CTNNA3: variants seen among roughly 807,000 people sequenced by gnomAD.
CTNNA3 encodes catenin alpha 3.
CTNNA3 carries 76 observed loss-of-function variants against 95.7 expected under a neutral mutation model. That is an observed-to-expected ratio of 0.79 (90% confidence interval 0.66 to 0.96). The LOEUF is 0.96. Ranked by LOEUF, CTNNA3 falls within the 40% of genes least tolerant of loss-of-function variation. CTNNA3 has a pLI of 0.00. For missense variants in CTNNA3, 1,191 were observed against 1,089.8 expected (o/e 1.09, Z -1.31); for synonymous variants, 431 against 374.4 (o/e 1.15, Z -1.74).
intron 2 of CTNNA3, among the ~76,000 whole-genome samples, chr10:67,623,586 G>A (rs574462964): frequency 2.8e-4 from 43 of 152,194 alleles, no homozygotes; most frequent in African/African-American, 1.0e-3. Flanking sequence ...GTAAGGAGCG[G>A]GGAGAGAGTA....
intron 6 of CTNNA3, among the ~76,000 whole-genome samples, chr10:67,184,843 G>C (rs764506960): frequency 8.5e-5 from 13 of 152,176 alleles, no homozygotes; most frequent in Non-Finnish European, 1.9e-4. Flanking sequence ...TCACATTGCT[G>C]ATAGAGGTTC....
At position 66,643,490 on chromosome 10, in the gene CTNNA3, T is replaced by G. The variant is rs1469103485; in HGVS notation, c.1282-21706A>C. Among the ~76,000 whole-genome samples the G allele has an allele frequency of 2.6e-5, 4 of 152,270 alleles. No homozygotes were observed. In the East Asian group the frequency reaches 7.7e-4, roughly 29 times the overall value. On this transcript the variant is annotated intron_variant, in intron 9 of 17. Coordinates refer to ENST00000433211, the MANE Select transcript of CTNNA3 (RefSeq NM_013266.4). Reference sequence around the variant, plus strand: ...CATAAGCTCTAAATGGAAGACTACTTAAGGGCATCTTCTTATTTCTAGTAG... The same window carrying G: ...CATAAGCTCTAAATGGAAGACTACTGAAGGGCATCTTCTTATTTCTAGTAG...
At chr10:66,321,755 T>A (rs1384380825) in intron 12 of CTNNA3, among the ~76,000 whole-genome samples, 1 of 152,134 alleles carries the variant, frequency 6.6e-6, no homozygotes, top group Non-Finnish European at 1.5e-5. Context: ...CTTTAAAAAA[T>A]TCTCGCTATT....
chr10:67,216,958 A>G (rs1308673001), intron 6 of CTNNA3, among the ~76,000 whole-genome samples: 1 of 152,192 alleles, frequency 6.6e-6, no homozygotes, highest in Non-Finnish European at 1.5e-5. Flanking sequence ...GGCCTTTCCA[A>G]TAAATCAATT....
chr10:67,125,159 T>A (rs140412745), intron 7 of CTNNA3, among the ~76,000 whole-genome samples: 2 of 152,296 alleles, frequency 1.3e-5, no homozygotes, highest in Non-Finnish European at 2.9e-5. Context: ...TTGTAAATAT[T>A]TAATACGTTT....
At chr10:67,696,871 G>A (rs189249309), upstream of CTNNA3, among the ~76,000 whole-genome samples, 25 of 151,788 alleles carry the variant, frequency 1.6e-4, 1 homozygote, top group South Asian at 4.2e-3. Flanking sequence ...CATCCCACTC[G>A]AACTTCTGTG....
chr10:67,729,374 G>T (rs866426043), intron 1 of CTNNA3, among the ~76,000 whole-genome samples: 1 of 152,040 alleles, frequency 6.6e-6, no homozygotes, highest in East Asian at 1.9e-4. Context: ...ACCATTTCTT[G>T]ATGAGATTTT....
intron 5 of CTNNA3, among the ~76,000 whole-genome samples, chr10:67,241,185 C>T (rs962477991): frequency 4.1e-5 from 6 of 145,172 alleles, no homozygotes; most frequent in African/African-American, 1.6e-4. Flanking sequence ...CTTTGGAAGG[C>T]CGAGGCAGGT....
At chr10:66,061,915 G>A (rs560807625) in intron 15 of CTNNA3, among the ~76,000 whole-genome samples, 41 of 152,242 alleles carry the variant, frequency 2.7e-4, no homozygotes, top group Middle Eastern at 3.4e-3. Context: ...TATCTCTGAT[G>A]TGTCAATTTG....
chr10:67,663,855 A>C (rs1189096996), intron 1 of CTNNA3, among the ~76,000 whole-genome samples: 1 of 152,182 alleles, frequency 6.6e-6, no homozygotes, highest in African/African-American at 2.4e-5. Context: ...TAGTTCACTT[A>C]GACAAGCCCA....
At chr10:67,504,435 CAAAAAA>C (rs60719599) in intron 5 of CTNNA3, among the ~76,000 whole-genome samples, 2 of 16,150 alleles carry the variant, frequency 1.2e-4, no homozygotes, top group African/African-American at 4.7e-4. Context: ...GACTCCATCT[CAAAAAA>C]AAAAAAAAAA....
intron 1 of CTNNA3, among the ~76,000 whole-genome samples, chr10:67,746,583 A>G (rs1167497153): frequency 6.6e-6 from 1 of 152,196 alleles, no homozygotes; most frequent in Non-Finnish European, 1.5e-5. Flanking sequence ...CCCACCTGAC[A>G]GCCACATGGG....
chr10:66,091,276 C>T (rs1233812953), intron 14 of CTNNA3, among the ~76,000 whole-genome samples: 2 of 151,776 alleles, frequency 1.3e-5, no homozygotes, highest in Non-Finnish European at 2.9e-5. Flanking sequence ...TTCCAAATGC[C>T]CATTGTCTAA....
At chr10:65,970,957 G>A (rs2078085411) in intron 16 of CTNNA3, among the ~76,000 whole-genome samples, 1 of 150,254 alleles carries the variant, frequency 6.7e-6, no homozygotes, top group Non-Finnish European at 1.5e-5. Context: ...AAAAGTGTTA[G>A]ACATGTGAAA....
intron 5 of CTNNA3, among the ~76,000 whole-genome samples, chr10:67,373,246 C>T (rs2132708675): frequency 6.6e-6 from 1 of 152,152 alleles, no homozygotes; most frequent in East Asian, 1.9e-4. Flanking sequence ...CATGCAGAGA[C>T]ATGCATAGCT....
intron 5 of CTNNA3, among the ~76,000 whole-genome samples, chr10:67,429,149 T>G (rs1026553385): frequency 6.6e-6 from 1 of 151,952 alleles, no homozygotes; most frequent in African/African-American, 2.4e-5. Context: ...TGATTTGTGT[T>G]TGTCTAGTAT....
intron 5 of CTNNA3, among the ~76,000 whole-genome samples, chr10:67,487,071 C>T (rs900561809): frequency 6.6e-6 from 1 of 152,150 alleles, no homozygotes; most frequent in Non-Finnish European, 1.5e-5. Flanking sequence ...AGGCAATGCT[C>T]CCCATTCTGC....
intron 7 of CTNNA3, among the ~76,000 whole-genome samples, chr10:66,960,734 G>A (rs1270365412): frequency 6.6e-6 from 1 of 152,132 alleles, no homozygotes; most frequent in East Asian, 1.9e-4. Context: ...GGGAAATACA[G>A]AACAGAACAG....
chr10:67,743,948 A>G (rs1023354331), intron 1 of CTNNA3, among the ~76,000 whole-genome samples: 12 of 151,420 alleles, frequency 7.9e-5, no homozygotes, highest in African/African-American at 2.7e-4. Context: ...CTTACAAGGG[A>G]TGTGAAAGAC....
Sources: gnomAD v4.1 joint callset for allele counts (sites outside exome capture counted in the v4.1 genomes callset) on GRCh38, gnomAD v4.1.1 for gene constraint, MANE v1.5 for transcripts, NCBI Gene and HGNC (gene_info 2026-07-23, HGNC 2026-07-21) for gene names.